The following LRP1B variants were observed in gnomAD, a reference collection of about 807,000 sequenced individuals.
LRP1B encodes LDL receptor related protein 1B, also known as low-density lipoprotein receptor-related protein 1B.
In LRP1B, 217 loss-of-function variants were observed where a neutral mutation model predicts 556.6. The observed-to-expected ratio is 0.39, with a 90% CI of 0.35 to 0.44. The LOEUF (loss-of-function observed/expected upper bound fraction) is 0.44, where lower values mean the gene tolerates loss of function less well. LRP1B is among the 20% of genes least tolerant of loss of function. The pLI is 1.00. For missense variants in LRP1B, 5,053 were observed against 5,620.8 expected (o/e 0.90, Z 3.23); for synonymous variants, 2,047 against 1,865.8 (o/e 1.10, Z -2.50).
intron 35 of LRP1B, among the ~76,000 whole-genome samples, chr2:140,755,281 G>C (rs1688707430): frequency 6.6e-6 from 1 of 151,984 alleles, no homozygotes; most frequent in Non-Finnish European, 1.5e-5. Context: ...CCAAGAACCA[G>C]ATTATGAGGA....
At chr2:141,107,462 A>G (rs1259708669) in intron 7 of LRP1B, among the ~76,000 whole-genome samples, 2 of 152,122 alleles carry the variant, frequency 1.3e-5, no homozygotes, top group African/African-American at 4.8e-5. Flanking sequence ...CCTGGCCAAC[A>G]TGGTGAAACC....
chr2:141,608,333 T>G (rs188275747), intron 2 of LRP1B, among the ~76,000 whole-genome samples: 8 of 152,362 alleles, frequency 5.3e-5, no homozygotes, highest in Admixed American at 5.2e-4. Context: ...AGAGCATATA[T>G]GTCTGCTCCA....
At chr2:141,225,737 A>T (rs1308238764) in intron 6 of LRP1B, among the ~76,000 whole-genome samples, 1 of 152,144 alleles carries the variant, frequency 6.6e-6, no homozygotes, top group South Asian at 2.1e-4. Flanking sequence ...TCATTAATAC[A>T]CTTTATTAAG....
chr2:140,644,985 TA>T (rs887510340), intron 41 of LRP1B, among the ~76,000 whole-genome samples: 1 of 152,214 alleles, frequency 6.6e-6, no homozygotes, highest in Non-Finnish European at 1.5e-5. Context: ...CCATTAAACA[TA>T]AAATCTTCCT....
chr2:140,428,154 T>A (rs1366722050), intron 66 of LRP1B, among the ~76,000 whole-genome samples: 3 of 152,024 alleles, frequency 2.0e-5, no homozygotes, highest in Non-Finnish European at 4.4e-5. Context: ...TACATTTTAT[T>A]ACCCAATCCC....
At position 142,096,858 on chromosome 2, in the gene LRP1B, A is replaced by T. The variant is rs896875538; in HGVS notation, c.82+33790T>A. ...GAGCATAGTACCTAATAGTTTTTTAACCCTTTCTCCTCTCCCTTTCTCCCC... is the reference window on the plus strand; with the variant it reads ...GAGCATAGTACCTAATAGTTTTTTATCCCTTTCTCCTCTCCCTTTCTCCCC... On this transcript the variant is annotated intron_variant, in intron 1 of 90. Transcript: ENST00000389484. 4.0e-5 allele frequency among the ~76,000 whole-genome samples: 6 copies of T among 151,200 alleles called. No individual in the cohort carries two copies. In the East Asian group the frequency reaches 1.2e-3, roughly 29 times the overall value.
At chr2:142,061,528 C>G (rs962960905) in intron 1 of LRP1B, among the ~76,000 whole-genome samples, 3 of 151,892 alleles carry the variant, frequency 2.0e-5, no homozygotes, top group African/African-American at 4.8e-5. Context: ...GTGCAGCAAA[C>G]AGGGCAAAGA....
rs36155375 is a variant in LRP1B at position 140,965,889 on chromosome 2, CT to C, written c.2888-13950del. Among the ~76,000 whole-genome samples the C allele has an allele frequency of 2.7e-3, 412 of 150,716 alleles. 2 individuals carry two copies. The highest frequency in any genetic ancestry group is 9.3e-3 in the African/African-American group (382 of 40,956). ...TCCCTACAAAGGACATGAACTCATC[CT>C]TTTTTTATGGCTGCATAGTATTCCA... On this transcript the variant is annotated intron_variant, in intron 18 of 90. Transcript: ENST00000389484.
At chr2:141,589,680 T>G (rs763077137) in intron 2 of LRP1B, among the ~76,000 whole-genome samples, 1 of 152,216 alleles carries the variant, frequency 6.6e-6, no homozygotes, top group Non-Finnish European at 1.5e-5. Flanking sequence ...ACTTTGTGGT[T>G]GCAATTTGAT....
intron 7 of LRP1B, among the ~76,000 whole-genome samples, chr2:141,095,983 A>AT (rs1189674063): frequency 2.6e-5 from 4 of 152,050 alleles, no homozygotes; most frequent in African/African-American, 7.2e-5. Flanking sequence ...CCGTATTCTC[A>AT]TTTTTTTCAT....
chr2:140,854,821 C>T (rs889623653), intron 27 of LRP1B, among the ~76,000 whole-genome samples: 1 of 152,108 alleles, frequency 6.6e-6, no homozygotes, highest in Non-Finnish European at 1.5e-5. Flanking sequence ...TAGTAAGTAG[C>T]TATTTTATAA....
At chr2:140,265,579 A>G (rs1279682272) in intron 86 of LRP1B, among the ~76,000 whole-genome samples, 1 of 152,122 alleles carries the variant, frequency 6.6e-6, no homozygotes, top group Admixed American at 6.6e-5. Context: ...CCAAAAGTGC[A>G]TAAGTTTTGC....
intron 66 of LRP1B, among the ~76,000 whole-genome samples, chr2:140,433,926 T>C (rs1176693100): frequency 6.6e-6 from 1 of 151,988 alleles, no homozygotes; most frequent in African/African-American, 2.4e-5. Flanking sequence ...TCTTAGGACA[T>C]AGAATTGAGA....
At chr2:141,543,326 C>T (rs1290815667) in intron 2 of LRP1B, among the ~76,000 whole-genome samples, 2 of 151,390 alleles carry the variant, frequency 1.3e-5, no homozygotes, top group African/African-American at 2.4e-5. Context: ...TAGCCAACAT[C>T]CTGAAACCCT....
chr2:141,079,043 C>G (rs1045377428), intron 7 of LRP1B, among the ~76,000 whole-genome samples: 2 of 151,954 alleles, frequency 1.3e-5, no homozygotes, highest in African/African-American at 2.4e-5. Context: ...ATGTACTATA[C>G]TCAATTTCCT....
intron 20 of LRP1B, among the ~76,000 whole-genome samples, chr2:140,945,252 G>A (rs1016210076): frequency 1.3e-5 from 2 of 152,078 alleles, no homozygotes; most frequent in Non-Finnish European, 2.9e-5. Flanking sequence ...CATGCTCATG[G>A]ATTGCAATAA....
At chr2:140,867,462 C>A (rs1197571309) in intron 27 of LRP1B, 128 bp downstream of exon 27, 18 of 958,590 alleles carry the variant, frequency 1.9e-5, no homozygotes, top group Non-Finnish European at 2.6e-5. Context: ...GAAACCACTT[C>A]CCTCATAGAG....
chr2:140,542,950 C>A (rs1217793281), intron 43 of LRP1B, among the ~76,000 whole-genome samples: 1 of 152,088 alleles, frequency 6.6e-6, no homozygotes, highest in African/African-American at 2.4e-5. Flanking sequence ...CACACGGGTC[C>A]AGAAATCATG....
chr2:141,230,086 G>A (rs1282406487), intron 5 of LRP1B, among the ~76,000 whole-genome samples: 2 of 152,156 alleles, frequency 1.3e-5, no homozygotes, highest in African/African-American at 4.8e-5. Flanking sequence ...AGCTTTGCTG[G>A]TATTAGGACT....
Sources: allele counts gnomAD v4.1 joint callset (sites outside exome capture counted in the v4.1 genomes callset), GRCh38; gene constraint gnomAD v4.1.1; transcripts MANE v1.5; gene names NCBI Gene and HGNC (gene_info 2026-07-23, HGNC 2026-07-21).